The following SNX29 variants were observed in gnomAD, a reference collection of about 807,000 sequenced individuals.
SNX29 encodes sorting nexin-29.
In SNX29, 78 loss-of-function variants were observed where a neutral mutation model predicts 102.1. The ratio of observed to expected loss-of-function variants is 0.76; its 90% CI spans 0.64 to 0.92. SNX29 has a LOEUF of 0.92. SNX29 is among the 40% of genes least tolerant of loss of function. SNX29 has a pLI of 0.00. For synonymous variants in SNX29, 580 were observed against 414.5 expected, an observed-to-expected ratio of 1.40 and a Z score of -4.85; for missense variants, 1,280 against 1,061.7, an observed-to-expected ratio of 1.21 and a Z score of -2.86.
intron 14 of SNX29, among the ~76,000 whole-genome samples, chr16:12,257,747 C>G (rs73504167): frequency 6.7e-6 from 1 of 149,320 alleles, no homozygotes; most frequent in East Asian, 2.0e-4. Flanking sequence ...AGGCTGGTCT[C>G]GAACTCCTGA....
At chr16:12,329,086 A>G (rs755696080) in intron 15 of SNX29, among the ~76,000 whole-genome samples, 22 of 151,946 alleles carry the variant, frequency 1.4e-4, no homozygotes, top group Non-Finnish European at 2.1e-4. Flanking sequence ...AGCTTAGGCA[A>G]CATCAGGAGA....
At chr16:12,169,786 C>G (rs775626597) in intron 13 of SNX29, among the ~76,000 whole-genome samples, 2 of 151,924 alleles carry the variant, frequency 1.3e-5, no homozygotes, top group African/African-American at 2.4e-5. Context: ...CACTTGAACC[C>G]CAGAGGCGGA....
At chr16:12,103,608 A>G (rs1040173387) in intron 11 of SNX29, among the ~76,000 whole-genome samples, 2 of 152,232 alleles carry the variant, frequency 1.3e-5, no homozygotes, top group African/African-American at 2.4e-5. Context: ...AACCTAGGTA[A>G]TACCATTCAG....
chr16:12,471,356 T>G (rs1485604990), intron 18 of SNX29, among the ~76,000 whole-genome samples: 2 of 152,224 alleles, frequency 1.3e-5, no homozygotes, highest in African/African-American at 4.8e-5. Context: ...TGAATATAAT[T>G]GCTTAATTCT....
intron 11 of SNX29, 137 bp downstream of exon 11, chr16:12,079,052 TGTGGTAC>T: frequency 1.4e-6 from 1 of 740,284 alleles, no homozygotes; most frequent in Non-Finnish European, 2.2e-6. Context: ...AGACTGGAGG[TGTGGTAC>T]GTGCTTGTGG....
At chr16:12,449,889 G>A (rs2086227953) in intron 18 of SNX29, among the ~76,000 whole-genome samples, 1 of 152,156 alleles carries the variant, frequency 6.6e-6, no homozygotes, top group South Asian at 2.1e-4. Context: ...GATATGATTT[G>A]GCTGTGTCCC....
chr16:12,126,839 C>T (rs2054233109), intron 12 of SNX29, 143 bp downstream of exon 12: 2 of 797,654 alleles, frequency 2.5e-6, no homozygotes, highest in Non-Finnish European at 4.1e-6. Context: ...GGATATGCCA[C>T]TGTGGTATCT....
chr16:12,118,440 C>T lies in SNX29; in HGVS notation c.1403-8193C>T, dbSNP rs546314505. Among the ~76,000 whole-genome samples the T allele has an allele frequency of 6.6e-5, 10 of 151,172 alleles. No homozygotes were observed. The South Asian group carries it at 1.9e-3, about 29-fold the overall frequency. ...GGTTCAAGTCATCCCCTGCCTCAGC[C>T]TCCCGAGTAGCTGGGATTACAGGTG... On this transcript the variant is annotated intron_variant, in intron 11 of 20. Coordinates refer to ENST00000566228, the MANE Select transcript of SNX29 (RefSeq NM_032167.5).
intron 8 of SNX29, among the ~76,000 whole-genome samples, chr16:12,054,709 G>A (rs945293062): frequency 6.6e-6 from 1 of 152,186 alleles, no homozygotes; most frequent in African/African-American, 2.4e-5. Context: ...GGTCCCTGCA[G>A]TTGTGTGGAG....
At chr16:12,548,899 C>T (rs1279415950) in intron 20 of SNX29, among the ~76,000 whole-genome samples, 1 of 152,232 alleles carries the variant, frequency 6.6e-6, no homozygotes, top group African/African-American at 2.4e-5. Context: ...TAGCAGCACT[C>T]ACTCGGGCTG....
intron 4 of SNX29, among the ~76,000 whole-genome samples, chr16:12,028,542 TTATA>T (rs1295200332): frequency 1.3e-5 from 2 of 151,900 alleles, no homozygotes; most frequent in Admixed American, 1.3e-4. Flanking sequence ...TTTTAAACTT[TTATA>T]GAGACAGAGA....
chr16:12,109,077 C>G (rs350252), intron 11 of SNX29, among the ~76,000 whole-genome samples: 99,171 of 145,098 alleles, frequency 0.68, 34,541 homozygotes, highest in East Asian at 0.91. Context: ...GCAGTGATCC[C>G]AGATCATGCC....
At position 12,309,111 on chromosome 16, in the gene SNX29, T is replaced by C. The variant is rs554477211; in HGVS notation, c.1782+31075T>C. The stretch of plus-strand genomic sequence containing the variant: ...CCCACCAAGTGTGTTTCGGAGTTAT[T>C]TGGGGGTTCTGCAACCCTGCTGTGA... On this transcript the variant is annotated intron_variant, in intron 15 of 20. Coordinates refer to ENST00000566228, the MANE Select transcript of SNX29 (RefSeq NM_032167.5). 7.9e-5 allele frequency among the ~76,000 whole-genome samples: 12 copies of C among 152,322 alleles called. No individual in the cohort carries two copies. The South Asian group carries it at 2.3e-3, about 29-fold the overall frequency.
At chr16:12,512,369 AATATATATATATAT>A (rs58157322) in intron 19 of SNX29, among the ~76,000 whole-genome samples, 2,389 of 43,730 alleles carry the variant, frequency 0.055, 148 homozygotes, top group African/African-American at 0.15. Context: ...GCCCAGGGAA[AATATATATATATAT>A]ATATATATAT....
At chr16:12,494,125 A>G (rs1335703434) in intron 19 of SNX29, among the ~76,000 whole-genome samples, 2 of 152,076 alleles carry the variant, frequency 1.3e-5, no homozygotes, top group Non-Finnish European at 2.9e-5. Context: ...AGGTGGGAAG[A>G]TCCCTTGATG....
Position 12,570,770 on chromosome 16 carries a change from G to A in SNX29, c.*2141G>A, listed in dbSNP as rs1291908230. 2.0e-5 allele frequency: 3 copies of A among 148,776 alleles called. No individual in the cohort carries two copies. The highest frequency in any genetic ancestry group is 3.6e-5 in the Non-Finnish European group (3 of 84,332). The allele number at this position is 148,776 out of a possible 1,614,324, so 9.2% of individuals were successfully genotyped here. A position where few individuals can be genotyped will look rare whatever the true frequency, so the allele number is the denominator to read the frequency against. On this transcript the variant is annotated 3_prime_UTR_variant, in exon 21 of 21. Coordinates refer to ENST00000566228, the MANE Select transcript of SNX29 (RefSeq NM_032167.5). Reference sequence around the variant, plus strand: ...GAAGCACCTTGGACATTCTGCACATGATAATAATGCAACAGTCCCCCATTG... The same window carrying A: ...GAAGCACCTTGGACATTCTGCACATAATAATAATGCAACAGTCCCCCATTG...
chr16:12,467,133 C>G (rs2087092803), intron 18 of SNX29, among the ~76,000 whole-genome samples: 1 of 152,204 alleles, frequency 6.6e-6, no homozygotes, highest in South Asian at 2.1e-4. Flanking sequence ...TAGCTCTTTG[C>G]TAGACCAGTG....
At chr16:12,266,747 G>A (rs559026733) in intron 14 of SNX29, among the ~76,000 whole-genome samples, 204 of 150,014 alleles carry the variant, frequency 1.4e-3, no homozygotes, top group South Asian at 3.2e-3. Context: ...TGTTCTTGAG[G>A]GATGCAGTCA....
rs556434525 is a variant in SNX29, at chr16:12,494,991, C to A, written c.2178+17132C>A. Among the ~76,000 whole-genome samples, 10 of 152,226 alleles carry A rather than the reference C, an allele frequency of 6.6e-5. No homozygotes were observed. The South Asian group carries it at 2.1e-3, about 32-fold the overall frequency. ...ATTCTCATTTAATCTCGTCAGTATC[C>A]CTGGGGCCGAGGAGTTAGCATCCCT... On this transcript the variant is annotated intron_variant, in intron 19 of 20. Transcript: ENST00000566228.
Sources: allele counts gnomAD v4.1 joint callset (sites outside exome capture counted in the v4.1 genomes callset), GRCh38; gene constraint gnomAD v4.1.1; transcripts MANE v1.5; gene names NCBI Gene and HGNC (gene_info 2026-07-23, HGNC 2026-07-21).